ACAP3: variants seen among roughly 807,000 people sequenced by gnomAD.
ACAP3 encodes arf-GAP with coiled-coil, ANK repeat and PH domain-containing protein 3.
ACAP3 carries 56 observed loss-of-function variants against 104.1 expected under a neutral mutation model. That is an observed-to-expected ratio of 0.54 (90% CI 0.43 to 0.67). The LOEUF (loss-of-function observed/expected upper bound fraction) is 0.67, where lower values mean the gene tolerates loss of function less well. Among genes scored for constraint, ACAP3 ranks in the 30% least tolerant of loss-of-function variants. The pLI is 0.00. For missense variants in ACAP3, 1,208 were observed against 1,174.9 expected (o/e 1.03, Z -0.41); for synonymous variants, 628 against 496.2 (o/e 1.27, Z -3.53).
rs1641399250 is a variant in ACAP3 at position 1,300,557 on chromosome 1, G to A, written c.474C>T (p.Thr158=). 3 of 1,612,166 alleles carry A rather than the reference G, an allele frequency of 1.9e-6. No individual in the cohort carries two copies. The highest frequency in any genetic ancestry group is 2.5e-6 in the Non-Finnish European group (3 of 1,179,728). ...GGTGGCGGAAGCACTTCCTGGTGAG[G>A]GTGAGGGCCCCGGTGGCTTCCTCCA... is the stretch of plus-strand genomic sequence containing the variant. ...HEVEEATGAL[T]LTRKCFRHLA... Residue 158 remains threonine, a synonymous_variant, in exon 6 of 24, where the codon ACC becomes ACT. Coordinates refer to ENST00000354700, the MANE Select transcript of ACAP3 (RefSeq NM_030649.3).
intron 18 of ACAP3, 39 bp from the exon 19 acceptor site, chr1:1,295,593 CG>C (rs777023161): frequency 2.0e-5 from 32 of 1,599,282 alleles, no homozygotes; most frequent in Non-Finnish European, 2.6e-5. Flanking sequence ...GGAACAGGCC[CG>C]GGGTGGGGCA....
chr1:1,298,708 G>C, intron 10 of ACAP3, 29 bp from the exon 11 acceptor site: 1 of 1,555,720 alleles, frequency 6.4e-7, no homozygotes, highest in South Asian at 1.1e-5. Flanking sequence ...CCCCCTCAGT[G>C]CCCACCCCAG....
At chr1:1,296,847 G>A (rs978311881) in intron 14 of ACAP3, among the ~76,000 whole-genome samples, 2 of 146,962 alleles carry the variant, frequency 1.4e-5, no homozygotes, top group Non-Finnish European at 1.5e-5. Context: ...ACCCTCACGT[G>A]GACAGGTGGC....
intron 6 of ACAP3, 25 bp from the exon 7 acceptor site, chr1:1,300,227 G>A (rs746350616): frequency 1.9e-6 from 3 of 1,584,262 alleles, no homozygotes; most frequent in Middle Eastern, 1.7e-4. Context: ...GCCCACAGGT[G>A]AGCCCCGGAG....
intron 4 of ACAP3, among the ~76,000 whole-genome samples, chr1:1,302,399 C>A (rs1641482934): frequency 6.6e-6 from 1 of 152,122 alleles, no homozygotes; most frequent in African/African-American, 2.4e-5. Context: ...GCCGGGAGCA[C>A]CCAGGGGCTG....
At position 1,292,673 on chromosome 1, in the gene ACAP3, G is replaced by C. The variant is rs998306897; in HGVS notation, c.*891C>G. 1 of 152,348 alleles carries C rather than the reference G, an allele frequency of 6.6e-6. No individual in the cohort carries two copies. Among genetic ancestry groups the C allele is most frequent in the Non-Finnish European group, 1.5e-5 (1 of 68,128 alleles). 9.4% of individuals were successfully genotyped at this position (152,348 alleles called of 1,614,324 possible). On this transcript the variant is annotated 3_prime_UTR_variant, in exon 24 of 24. Transcript: ENST00000354700. ...CCTGCCTCCCTGCCGGGCACCTTTGGGGAAGGGGTGCGTGAAGGCATTGGC... is the reference window on the plus strand; with the variant it reads ...CCTGCCTCCCTGCCGGGCACCTTTGCGGAAGGGGTGCGTGAAGGCATTGGC...
At chr1:1,295,589 G>A in intron 18 of ACAP3, 35 bp from the exon 19 acceptor site, 1 of 1,600,842 alleles carries the variant, frequency 6.2e-7, no homozygotes, top group Non-Finnish European at 8.5e-7. Flanking sequence ...GTGTGGAACA[G>A]GCCCGGGGTG....
rs1181635056 is a variant in ACAP3, at chr1:1,294,646, TCAGGGAAAGCAACCCCCGGGGCTGCC to T, written c.1913-44_1913-19del. 6.5e-7 allele frequency: 1 copy of T among 1,530,404 alleles called. No homozygotes were observed. The highest frequency in any genetic ancestry group is 8.8e-7 in the Non-Finnish European group (1 of 1,136,184). The allele number at this position is 1,530,404 out of a possible 1,614,324, so 94.8% of individuals were successfully genotyped here. A position where few individuals can be genotyped will look rare whatever the true frequency, so the allele number is the denominator to read the frequency against. On this transcript the variant is annotated intron_variant, in intron 20 of 23. Coordinates refer to ENST00000354700, the MANE Select transcript of ACAP3 (RefSeq NM_030649.3). The stretch of plus-strand genomic sequence containing the variant: ...TGCACCCTCTGTGGGGAGGGGGCGG[TCAGGGAAAGCAACCCCCGGGGCTGCC>T]CAGGGGCTGGGCAGGGGCCTCGGGC...
intron 5 of ACAP3, among the ~76,000 whole-genome samples, chr1:1,301,100 G>C (rs1557606635): frequency 6.6e-6 from 1 of 151,558 alleles, no homozygotes; most frequent in Non-Finnish European, 1.5e-5. Context: ...GTCTGTCTCT[G>C]TTGCCCAGGC....
intron 14 of ACAP3, 54 bp from the exon 15 acceptor site, chr1:1,296,687 C>A (rs902933240): frequency 5.0e-5 from 75 of 1,502,136 alleles, no homozygotes; most frequent in Non-Finnish European, 6.2e-5. Flanking sequence ...CATGGTTTCC[C>A]CAGCAGGCCC....
At chr1:1,299,189 C>G (rs1181696265) in intron 10 of ACAP3, 156 bp downstream of exon 10, 2 of 1,008,932 alleles carry the variant, frequency 2.0e-6, no homozygotes, top group Admixed American at 4.7e-5. Flanking sequence ...GGAGGTCTGG[C>G]CGGAGCCAGC....
chr1:1,294,691 C>T (rs1188134355), intron 20 of ACAP3, 27 bp downstream of exon 20: 9 of 1,547,720 alleles, frequency 5.8e-6, no homozygotes, highest in African/African-American at 1.4e-5. Context: ...GGGCAGGGGC[C>T]TCGGGCGAGG....
chr1:1,295,402 C>T (rs1641081585), intron 19 of ACAP3, 45 bp downstream of exon 19: 2 of 1,575,956 alleles, frequency 1.3e-6, no homozygotes, highest in Non-Finnish European at 8.7e-7. Flanking sequence ...AGGCCAGCCT[C>T]CTTGGCCCTG....
rs772836801 is a variant in ACAP3, at chr1:1,296,552, T to A, written c.1210A>T (p.Ser404Cys). ...ACACTCTGCACACGCTGCAGCACAC[T>A]CTCGCCCTTCACGCCACGCTCCCGA... Reference protein sequence around the residue: ...DTRERGVKGESVLQRVQSVAG... With the variant: ...DTRERGVKGECVLQRVQSVAG... Residue 404 changes from serine (S) to cysteine (C), a missense_variant, in exon 15 of 24, where the codon AGT becomes TGT. Ser to Cys is a moderately radical substitution (Grantham distance 112). Coordinates refer to ENST00000354700, the MANE Select transcript of ACAP3 (RefSeq NM_030649.3). 2.6e-6 allele frequency: 4 copies of A among 1,539,490 alleles called. No individual in the cohort carries two copies. The South Asian group carries it at 4.8e-5, about 18-fold the overall frequency.
At chr1:1,295,118 G>T in intron 19 of ACAP3, 1 of 551,788 alleles carries the variant, frequency 1.8e-6, no homozygotes, top group Non-Finnish European at 3.2e-6. Context: ...TCTGTGGCTG[G>T]CCCAGGCTGA....
intron 1 of ACAP3, chr1:1,307,274 T>C (rs1641771096): frequency 7.8e-7 from 1 of 1,288,486 alleles, no homozygotes; most frequent in Non-Finnish European, 1.0e-6. Context: ...GCCGCTCTTC[T>C]CGGCCGCCAC....
rs771896341 is a variant in ACAP3, at chr1:1,295,547, G to C, written c.1713C>G (p.Thr571=). 1 of 1,612,510 alleles carries C rather than the reference G, an allele frequency of 6.2e-7. No homozygotes were observed. Among genetic ancestry groups the C allele is most frequent in the Non-Finnish European group, 8.5e-7 (1 of 1,179,856 alleles). ...PCVAALSSVG[T]LDRKFRRDSL... is the part of the protein sequence containing the mutation. ...AGTCTCGGCGGAACTTACGATCCAGGGTGCCCACTGCAGGGGCAGTGCGTG... is the reference window on the plus strand; with the variant it reads ...AGTCTCGGCGGAACTTACGATCCAGCGTGCCCACTGCAGGGGCAGTGCGTG... The change falls in exon 19 of 24, where the codon ACC becomes ACG. Residue 571 remains threonine (T), a synonymous_variant. Transcript: ENST00000354700.
chr1:1,294,694 G>T lies in ACAP3; in HGVS notation c.1912+24C>A. 1.9e-6 allele frequency: 3 copies of T among 1,547,932 alleles called. No individual in the cohort carries two copies. In the Middle Eastern group the frequency reaches 5.0e-4, roughly 260 times the overall value. ...TGCCCAGGGGCTGGGCAGGGGCCTC[G>T]GGCGAGGGCAAGACGCCACCCACCC... On this transcript the variant is annotated intron_variant, in intron 20 of 23. Transcript: ENST00000354700.
In ACAP3 at chr1:1,292,990, C is replaced by G. The variant is rs750719970; in HGVS notation, c.*574G>C. The stretch of plus-strand genomic sequence containing the variant: ...GCACGGGGACCTTCGTGGCCAGCCA[C>G]GTGGCCTTGGGACGCCCGCGTCCAG... On this transcript the variant is annotated 3_prime_UTR_variant, in exon 24 of 24. Coordinates refer to ENST00000354700, the MANE Select transcript of ACAP3 (RefSeq NM_030649.3). The G allele has an allele frequency of 2.0e-5, 3 of 152,264 alleles. No homozygotes were observed. The highest frequency in any genetic ancestry group is 4.4e-5 in the Non-Finnish European group (3 of 68,058). 9.4% of individuals were successfully genotyped at this position (152,264 alleles called of 1,614,324 possible). A position where few individuals can be genotyped will look rare whatever the true frequency, so the allele number is the denominator to read the frequency against.
Sources: gnomAD v4.1 joint callset for allele counts (sites outside exome capture counted in the v4.1 genomes callset) on GRCh38, gnomAD v4.1.1 for gene constraint, MANE v1.5 for transcripts, NCBI Gene and HGNC (gene_info 2026-07-23, HGNC 2026-07-21) for gene names.